The following ADGRA1 variants were observed in gnomAD, a reference collection of about 807,000 sequenced individuals.
The protein encoded by ADGRA1 is adhesion G protein-coupled receptor A1, also known as G-protein coupled receptor 123.
In ADGRA1, 12 loss-of-function variants were observed where a neutral mutation model predicts 21.3. That is an observed-to-expected ratio of 0.56 (90% CI 0.36 to 0.91). The LOEUF is 0.91. Among genes scored for constraint, ADGRA1 ranks in the 40% least tolerant of loss-of-function variants. The probability of loss-of-function intolerance (pLI) is 0.01; values close to 1 mark genes in which losing one functional copy is unlikely to be tolerated. For synonymous variants in ADGRA1, 385 were observed against 368.8 expected (o/e 1.04, Z -0.50); for missense variants, 790 against 805.6 (o/e 0.98, Z 0.23).
At chr10:133,089,898 A>G (rs1168557639) in intron 2 of ADGRA1, among the ~76,000 whole-genome samples, 1 of 152,166 alleles carries the variant, frequency 6.6e-6, no homozygotes, top group Non-Finnish European at 1.5e-5. Flanking sequence ...CACCAGCAGC[A>G]CCTCAGGGGG....
intron 2 of ADGRA1, among the ~76,000 whole-genome samples, chr10:133,091,908 G>A (rs552527090): frequency 2.6e-5 from 4 of 152,236 alleles, no homozygotes; most frequent in Admixed American, 2.6e-4. Context: ...GTGCCCCCAG[G>A]AAGGGGAGTC....
At chr10:133,125,359 C>T (rs1220618996) in intron 5 of ADGRA1, among the ~76,000 whole-genome samples, 3 of 152,074 alleles carry the variant, frequency 2.0e-5, no homozygotes, top group East Asian at 3.8e-4. Context: ...GGAATTCTTC[C>T]ATTTCTCCTT....
intron 2 of ADGRA1, among the ~76,000 whole-genome samples, chr10:133,094,041 C>T (rs1851646606): frequency 6.6e-6 from 1 of 152,404 alleles, no homozygotes; most frequent in African/African-American, 2.4e-5. Context: ...GATCATTGCA[C>T]AGGTGAGGAC....
chr10:133,094,418 T>G (rs1186920962), intron 2 of ADGRA1, among the ~76,000 whole-genome samples: 2 of 152,200 alleles, frequency 1.3e-5, no homozygotes, highest in Non-Finnish European at 2.9e-5. Flanking sequence ...CTTTCCTGGC[T>G]GCCATCTGCG....
intron 5 of ADGRA1, among the ~76,000 whole-genome samples, chr10:133,119,154 C>T (rs1852209818): frequency 6.6e-6 from 1 of 152,138 alleles, no homozygotes; most frequent in Non-Finnish European, 1.5e-5. Context: ...AGTCACAGCA[C>T]AGGTGAGGGC....
At chr10:133,125,848 T>C (rs1396762654) in intron 5 of ADGRA1, among the ~76,000 whole-genome samples, 1 of 152,234 alleles carries the variant, frequency 6.6e-6, no homozygotes, top group East Asian at 1.9e-4. Flanking sequence ...CTTGAGACTA[T>C]ATAGGACCGT....
chr10:133,108,762 G>A (rs1199211104), intron 5 of ADGRA1, among the ~76,000 whole-genome samples: 2 of 152,100 alleles, frequency 1.3e-5, no homozygotes, highest in African/African-American at 4.8e-5. Flanking sequence ...TCCCAAGACA[G>A]CTCAATACTG....
chr10:133,117,156 G>A (rs1266344203), intron 5 of ADGRA1, among the ~76,000 whole-genome samples: 2 of 152,136 alleles, frequency 1.3e-5, no homozygotes, highest in Admixed American at 6.5e-5. Flanking sequence ...GTCAGTGCCC[G>A]GCAGGAGCTG....
chr10:133,111,930 C>CACA (rs1564849627), intron 5 of ADGRA1, among the ~76,000 whole-genome samples: 6 of 59,734 alleles, frequency 1.0e-4, no homozygotes, highest in Admixed American at 3.3e-4. Context: ...ACCTGCCCGC[C>CACA]GTGAGCACCT....
At chr10:133,110,593 G>C (rs1240022638) in intron 5 of ADGRA1, among the ~76,000 whole-genome samples, 1 of 152,216 alleles carries the variant, frequency 6.6e-6, no homozygotes, top group African/African-American at 2.4e-5. Context: ...CTAACTATAT[G>C]AGTGAGAAGA....
At chr10:133,095,564 G>A (rs1281724246) in intron 2 of ADGRA1, 19 of 1,429,946 alleles carry the variant, frequency 1.3e-5, no homozygotes, top group African/African-American at 4.3e-5. Context: ...GGGCCCCTCC[G>A]GTGCCCGCCT....
At chr10:133,109,831 T>C (rs1487525498) in intron 5 of ADGRA1, among the ~76,000 whole-genome samples, 1 of 152,218 alleles carries the variant, frequency 6.6e-6, no homozygotes, top group African/African-American at 2.4e-5. Context: ...GATGTGTCGA[T>C]GGAAAGCAAT....
chr10:133,126,694 G>C (rs1852381215), intron 5 of ADGRA1, among the ~76,000 whole-genome samples: 1 of 152,232 alleles, frequency 6.6e-6, no homozygotes, highest in African/African-American at 2.4e-5. Context: ...GTGCCTGTCA[G>C]GATGAGACTC....
chr10:133,109,685 G>A (rs1333403023), intron 5 of ADGRA1, among the ~76,000 whole-genome samples: 6 of 152,214 alleles, frequency 3.9e-5, no homozygotes, highest in African/African-American at 9.7e-5. Context: ...TGACAATGAC[G>A]GGAAGGTCCC....
rs144741592 is a variant in ADGRA1, at chr10:133,118,219, C to T, written c.402-9014C>T. Among the ~76,000 whole-genome samples, 326 of 152,278 alleles carry T rather than the reference C, an allele frequency of 2.1e-3. 1 individual carries two copies. Among genetic ancestry groups the T allele is most frequent in the African/African-American group, 7.6e-3 (316 of 41,544 alleles). On this transcript the variant is annotated intron_variant, in intron 5 of 6. Coordinates refer to ENST00000392607, the MANE Select transcript of ADGRA1 (RefSeq NM_001083909.3). ...GAGAGTAAAACCCCTTGAGGACCAG[C>T]GGATGTACGGTCCATGGAGGCCTCA...
At chr10:133,118,789 A>G (rs1852201361) in intron 5 of ADGRA1, among the ~76,000 whole-genome samples, 1 of 152,208 alleles carries the variant, frequency 6.6e-6, no homozygotes, top group African/African-American at 2.4e-5. Context: ...CTGGAAAACC[A>G]AAAAATTTGT....
At position 133,115,671 on chromosome 10, in the gene ADGRA1, G is replaced by A. The variant is rs776213828; in HGVS notation, c.402-11562G>A. On this transcript the variant is annotated intron_variant, in intron 5 of 6. Coordinates refer to ENST00000392607, the MANE Select transcript of ADGRA1 (RefSeq NM_001083909.3). ...GGCACTGTGGGGACTCAGCACAGCCGAGGGTCGGCCGATGGCGTTGTCACC... is the reference window on the plus strand; with the variant it reads ...GGCACTGTGGGGACTCAGCACAGCCAAGGGTCGGCCGATGGCGTTGTCACC... Among the ~76,000 whole-genome samples, 62 of 152,248 alleles carry A rather than the reference G, an allele frequency of 4.1e-4. 4 individuals carry two copies. The highest frequency in any genetic ancestry group is 3.8e-3 in the Admixed American group (58 of 15,312).
intron 5 of ADGRA1, among the ~76,000 whole-genome samples, chr10:133,116,203 G>A (rs1852155710): frequency 6.6e-6 from 1 of 152,140 alleles, no homozygotes; most frequent in Admixed American, 6.5e-5. Context: ...GTGTGGATTG[G>A]GTGAAAGACA....
intron 2 of ADGRA1, chr10:133,093,105 A>G (rs1313208886): frequency 6.3e-7 from 1 of 1,597,734 alleles, no homozygotes; most frequent in African/African-American, 1.3e-5. Context: ...CTAGCCCCGG[A>G]CACCTCACTG....
Sources: allele counts gnomAD v4.1 joint callset (sites outside exome capture counted in the v4.1 genomes callset), GRCh38; gene constraint gnomAD v4.1.1; transcripts MANE v1.5; gene names NCBI Gene and HGNC (gene_info 2026-07-23, HGNC 2026-07-21).